The following CDK14 variants were observed in gnomAD, a reference collection of about 807,000 sequenced individuals.
CDK14 encodes cyclin-dependent kinase 14.
Under a neutral mutation model 60.7 loss-of-function variants are expected in CDK14, and 34 were observed. That is an observed-to-expected ratio of 0.56 (90% CI 0.43 to 0.75). CDK14 has a LOEUF of 0.75. CDK14 is among the 30% of genes least tolerant of loss of function. CDK14 has a pLI of 0.00. For synonymous variants in CDK14, 197 were observed against 203.7 expected, an observed-to-expected ratio of 0.97 and a Z score of 0.28; for missense variants, 482 against 564.1, an observed-to-expected ratio of 0.85 and a Z score of 1.47.
chr7:90,651,579 G>C (rs1426284272), intron 2 of CDK14, among the ~76,000 whole-genome samples: 1 of 152,044 alleles, frequency 6.6e-6, no homozygotes, highest in Non-Finnish European at 1.5e-5. Context: ...AATGTGTGAG[G>C]CTTCTGCTTT....
intron 9 of CDK14, among the ~76,000 whole-genome samples, chr7:90,983,880 A>AGGG (rs981516690): frequency 5.3e-5 from 8 of 152,140 alleles, no homozygotes; most frequent in Non-Finnish European, 1.0e-4. Flanking sequence ...GGAGGAAGGA[A>AGGG]GGGAGGCAAG....
In CDK14 at chr7:91,194,687, G is replaced by T. The variant is rs148776872; in HGVS notation, c.*29-12478G>T. Among the ~76,000 whole-genome samples, 205 of 152,268 alleles carry T rather than the reference G, an allele frequency of 1.3e-3. 1 individual carries two copies. The highest frequency in any genetic ancestry group is 4.7e-3 in the African/African-American group (194 of 41,554). ...AAAACAAACAGCATAACCCAGACAA[G>T]ATGTGACATTGTTCTTTAGCATCCA... is the stretch of plus-strand genomic sequence containing the variant. On this transcript the variant is annotated intron_variant, in intron 14 of 14. Transcript: ENST00000380050.
chr7:90,837,800 C>G (rs895361602), intron 5 of CDK14, among the ~76,000 whole-genome samples: 1 of 152,142 alleles, frequency 6.6e-6, no homozygotes, highest in Non-Finnish European at 1.5e-5. Context: ...GGCACCATCT[C>G]TGGTGTGAGG....
chr7:91,175,840 A>G (rs1165646105), intron 14 of CDK14, among the ~76,000 whole-genome samples: 1 of 144,700 alleles, frequency 6.9e-6, no homozygotes, highest in Non-Finnish European at 1.5e-5. Context: ...AGAGACTTAG[A>G]CTCCCACACA....
chr7:90,808,588 A>C (rs1000000124), intron 5 of CDK14, among the ~76,000 whole-genome samples: 4 of 152,198 alleles, frequency 2.6e-5, no homozygotes, highest in South Asian at 2.1e-4. Context: ...CTAACATCAT[A>C]ATGACAGGAT....
At chr7:90,933,556 A>C (rs1277201882) in intron 8 of CDK14, among the ~76,000 whole-genome samples, 4 of 152,238 alleles carry the variant, frequency 2.6e-5, no homozygotes, top group Non-Finnish European at 5.9e-5. Flanking sequence ...CACTGAGAAA[A>C]TAGACAATTT....
intron 2 of CDK14, among the ~76,000 whole-genome samples, chr7:90,622,955 G>C (rs73407248): frequency 0.013 from 1,539 of 122,556 alleles, 20 homozygotes; most frequent in African/African-American, 0.044. Flanking sequence ...CTGAGTTTTT[G>C]CTCCATCTGC....
intron 5 of CDK14, among the ~76,000 whole-genome samples, chr7:90,814,395 TATC>T (rs991747334): frequency 5.3e-5 from 8 of 152,166 alleles, no homozygotes; most frequent in African/African-American, 1.9e-4. Context: ...TTAAAAAAAT[TATC>T]ATTCCTGTCA....
intron 5 of CDK14, among the ~76,000 whole-genome samples, chr7:90,845,791 A>T (rs1326744492): frequency 6.6e-6 from 1 of 152,000 alleles, no homozygotes; most frequent in Non-Finnish European, 1.5e-5. Context: ...TAAAATGAGA[A>T]TTTTTTTGTC....
At chr7:90,846,652 G>C (rs530582737) in intron 5 of CDK14, among the ~76,000 whole-genome samples, 7 of 152,300 alleles carry the variant, frequency 4.6e-5, no homozygotes, top group African/African-American at 9.6e-5. Flanking sequence ...CCATGCCAGA[G>C]TAGGTTAGGA....
chr7:90,668,261 G>A (rs1466086649), intron 2 of CDK14, among the ~76,000 whole-genome samples: 1 of 152,148 alleles, frequency 6.6e-6, no homozygotes, highest in East Asian at 1.9e-4. Flanking sequence ...TTTCCCTACT[G>A]ACTAATGATG....
intron 4 of CDK14, among the ~76,000 whole-genome samples, chr7:90,778,920 T>C (rs1182719782): frequency 6.7e-6 from 1 of 149,274 alleles, no homozygotes; most frequent in Non-Finnish European, 1.5e-5. Flanking sequence ...CCTCTCTCTT[T>C]TCTCTCTTTC....
chr7:91,095,358 G>C (rs1272527634), intron 12 of CDK14, among the ~76,000 whole-genome samples: 1 of 152,224 alleles, frequency 6.6e-6, no homozygotes, highest in Non-Finnish European at 1.5e-5. Context: ...AGAGGAGACT[G>C]GTGAGTGAAA....
intron 6 of CDK14, among the ~76,000 whole-genome samples, chr7:90,877,096 A>G (rs1231702294): frequency 1.3e-5 from 2 of 152,320 alleles, no homozygotes; most frequent in Non-Finnish European, 1.5e-5. Flanking sequence ...TGACACATGT[A>G]TAGATACATA....
chr7:90,997,759 T>C (rs188925178), intron 10 of CDK14, among the ~76,000 whole-genome samples: 28 of 152,362 alleles, frequency 1.8e-4, no homozygotes, highest in African/African-American at 6.7e-4. Flanking sequence ...AAATACTGCT[T>C]ATCTTTCATA....
chr7:91,033,371 T>A (rs998861601), intron 10 of CDK14, among the ~76,000 whole-genome samples: 2 of 152,168 alleles, frequency 1.3e-5, no homozygotes, highest in African/African-American at 4.8e-5. Context: ...AAGAATAATC[T>A]TACATAGGCA....
intron 2 of CDK14, among the ~76,000 whole-genome samples, chr7:90,625,347 G>T (rs369409407): frequency 6.6e-6 from 1 of 151,960 alleles, no homozygotes; most frequent in Non-Finnish European, 1.5e-5. Flanking sequence ...CTTTAAAAAA[G>T]GTTATTTTTA....
intron 10 of CDK14, among the ~76,000 whole-genome samples, chr7:90,987,962 A>G (rs1795418630): frequency 2.0e-5 from 3 of 152,162 alleles, no homozygotes; most frequent in Non-Finnish European, 4.4e-5. Context: ...GATTAAGTTC[A>G]TTCATTTGCC....
chr7:90,724,795 C>A (rs1172843106), intron 2 of CDK14, among the ~76,000 whole-genome samples: 1 of 151,690 alleles, frequency 6.6e-6, no homozygotes, highest in African/African-American at 2.4e-5. Flanking sequence ...GTTTGCAGTT[C>A]ATTGACTTCT....
Sources: gnomAD v4.1 joint callset for allele counts (sites outside exome capture counted in the v4.1 genomes callset) on GRCh38, gnomAD v4.1.1 for gene constraint, MANE v1.5 for transcripts, NCBI Gene and HGNC (gene_info 2026-07-23, HGNC 2026-07-21) for gene names.